The following CNTNAP2 variants were observed in gnomAD, a reference collection of about 807,000 sequenced individuals.
The protein encoded by CNTNAP2 is contactin associated protein 2, also known as contactin-associated protein-like 2.
Under a neutral mutation model 155.2 loss-of-function variants are expected in CNTNAP2, and 98 were observed. That is an observed-to-expected ratio of 0.63 (90% confidence interval 0.54 to 0.75). CNTNAP2 has a LOEUF of 0.75. CNTNAP2 is among the 30% of genes least tolerant of loss of function. CNTNAP2 has a pLI of 0.00. For missense variants in CNTNAP2, 1,727 were observed against 1,688.1 expected (o/e 1.02, Z -0.40); for synonymous variants, 651 against 631.2 (o/e 1.03, Z -0.47).
chr7:147,424,115 T>C (rs1584940727), intron 10 of CNTNAP2, among the ~76,000 whole-genome samples: 2 of 152,300 alleles, frequency 1.3e-5, no homozygotes, highest in South Asian at 4.1e-4. Flanking sequence ...GTTGCAATCC[T>C]ACTTCATTCC....
At chr7:148,052,750 A>T (rs1802917822) in intron 15 of CNTNAP2, among the ~76,000 whole-genome samples, 1 of 152,204 alleles carries the variant, frequency 6.6e-6, no homozygotes, top group African/African-American at 2.4e-5. Context: ...AGTATTCCTT[A>T]AAAATAAGTC....
rs1461587180 is a variant in CNTNAP2 at position 148,366,050 on chromosome 7, GTGTGTGTATGCATGTATGCATGTA to G, written c.3476-17591_3476-17568del. 4.7e-3 allele frequency among the ~76,000 whole-genome samples: 8 copies of G among 1,706 alleles called. 4 individuals are homozygous for G. Among genetic ancestry groups the G allele is most frequent in the African/African-American group, 5.5e-3 (8 of 1,464 alleles). The allele number at this position is 1,706 out of a possible 152,430, so 1.1% of individuals were successfully genotyped here. A position where few individuals can be genotyped will look rare whatever the true frequency, so the allele number is the denominator to read the frequency against. Reference sequence around the variant, plus strand: ...CATGTGTGTGTATGCATGTATGCATGTGTGTGTATGCATGTATGCATGTATGTGTGTGCATGTATACATGTATGT... The same window carrying G: ...CATGTGTGTGTATGCATGTATGCATGTGTGTGTGCATGTATACATGTATGT... On this transcript the variant is annotated intron_variant, in intron 21 of 23. Coordinates refer to ENST00000361727, the MANE Select transcript of CNTNAP2 (RefSeq NM_014141.6).
chr7:148,313,746 G>C (rs1313429981), intron 21 of CNTNAP2, among the ~76,000 whole-genome samples: 1 of 152,150 alleles, frequency 6.6e-6, no homozygotes, highest in Non-Finnish European at 1.5e-5. Context: ...AATTTTTGGA[G>C]TTTATTTAAT....
intron 3 of CNTNAP2, among the ~76,000 whole-genome samples, chr7:146,863,788 A>G (rs1399986912): frequency 6.6e-6 from 1 of 152,134 alleles, no homozygotes; most frequent in Non-Finnish European, 1.5e-5. Flanking sequence ...ACTTGCTAGC[A>G]TGTCCTTGAA....
intron 14 of CNTNAP2, among the ~76,000 whole-genome samples, chr7:147,917,442 G>T (rs542211453): frequency 6.6e-6 from 1 of 152,316 alleles, no homozygotes; most frequent in South Asian, 2.1e-4. Context: ...GTGTTATTCA[G>T]ATTTGACATC....
intron 10 of CNTNAP2, among the ~76,000 whole-genome samples, chr7:147,410,644 C>T (rs577347068): frequency 6.6e-6 from 1 of 152,228 alleles, no homozygotes; most frequent in South Asian, 2.1e-4. Flanking sequence ...ATACTGCAGC[C>T]ACTAGCCATA....
intron 1 of CNTNAP2, among the ~76,000 whole-genome samples, chr7:146,616,494 C>G (rs73470631): frequency 0.034 from 5,139 of 152,256 alleles, 287 homozygotes; most frequent in African/African-American, 0.12. Context: ...AAAGCTACCT[C>G]TTCGTCACTT....
intron 17 of CNTNAP2, among the ~76,000 whole-genome samples, chr7:148,160,863 T>C (rs1180493487): frequency 6.6e-6 from 1 of 152,226 alleles, no homozygotes; most frequent in Non-Finnish European, 1.5e-5. Flanking sequence ...TTTCTTCAGA[T>C]AGTTTCTTGC....
At chr7:147,511,725 T>C (rs1799026017) in intron 11 of CNTNAP2, among the ~76,000 whole-genome samples, 1 of 152,090 alleles carries the variant, frequency 6.6e-6, no homozygotes. Flanking sequence ...GCTGTGTAGA[T>C]AGAAAGCTCT....
chr7:147,419,617 C>A (rs1344399089), intron 10 of CNTNAP2, among the ~76,000 whole-genome samples: 1 of 152,092 alleles, frequency 6.6e-6, no homozygotes. Flanking sequence ...TGTGCCTGAG[C>A]TTAAATTTTG....
At chr7:147,448,373 T>A (rs1427277469) in intron 10 of CNTNAP2, among the ~76,000 whole-genome samples, 1 of 151,982 alleles carries the variant, frequency 6.6e-6, no homozygotes, top group Non-Finnish European at 1.5e-5. Flanking sequence ...CCAGATTATC[T>A]ATCTGCATAA....
intron 8 of CNTNAP2, among the ~76,000 whole-genome samples, chr7:147,280,390 G>GA (rs1156900085): frequency 5.3e-5 from 8 of 151,814 alleles, no homozygotes; most frequent in African/African-American, 4.8e-5. Context: ...TTACAGGGAC[G>GA]AAAAAATCTC....
intron 12 of CNTNAP2, among the ~76,000 whole-genome samples, chr7:147,568,995 C>A (rs1373372883): frequency 6.6e-6 from 1 of 152,100 alleles, no homozygotes; most frequent in Non-Finnish European, 1.5e-5. Context: ...CATCTGTGCT[C>A]TAGTGCGTGA....
At chr7:148,098,235 G>A (rs938667224) in intron 15 of CNTNAP2, among the ~76,000 whole-genome samples, 4 of 151,794 alleles carry the variant, frequency 2.6e-5, no homozygotes, top group Non-Finnish European at 5.9e-5. Context: ...CATGAGGTCA[G>A]GAGATCGAGA....
chr7:147,359,018 C>G (rs905118888), intron 9 of CNTNAP2, among the ~76,000 whole-genome samples: 2 of 152,068 alleles, frequency 1.3e-5, no homozygotes, highest in African/African-American at 4.8e-5. Context: ...TTGTCTTATA[C>G]CTGGCACACT....
chr7:147,321,263 A>C (rs1795346114), intron 9 of CNTNAP2, among the ~76,000 whole-genome samples: 1 of 152,032 alleles, frequency 6.6e-6, no homozygotes, highest in South Asian at 2.1e-4. Flanking sequence ...GATATCCTCA[A>C]TCTGATCACT....
At chr7:146,846,569 C>G (rs1329234120) in intron 3 of CNTNAP2, among the ~76,000 whole-genome samples, 3 of 152,064 alleles carry the variant, frequency 2.0e-5, no homozygotes, top group African/African-American at 7.2e-5. Context: ...TGTAATGCAT[C>G]TACTAGTGAA....
intron 1 of CNTNAP2, among the ~76,000 whole-genome samples, chr7:146,352,748 C>CTTTTTT (rs1201897985): frequency 1.1e-4 from 7 of 66,208 alleles, no homozygotes; most frequent in African/African-American, 4.7e-4. Context: ...TAGCATAATT[C>CTTTTTT]TGTTTTTTTT....
chr7:146,518,960 G>A (rs958967707), intron 1 of CNTNAP2, among the ~76,000 whole-genome samples: 1 of 151,940 alleles, frequency 6.6e-6, no homozygotes, highest in African/African-American at 2.4e-5. Context: ...TGGCCACACA[G>A]TTGCTAATTA....
Sources: gnomAD v4.1 joint callset for allele counts (sites outside exome capture counted in the v4.1 genomes callset) on GRCh38, gnomAD v4.1.1 for gene constraint, MANE v1.5 for transcripts, NCBI Gene and HGNC (gene_info 2026-07-23, HGNC 2026-07-21) for gene names.